Variants in STPG2 observed in about 807,000 individuals in gnomAD.
The protein encoded by STPG2 is sperm-tail PG-rich repeat-containing protein 2.
STPG2 carries 56 observed loss-of-function variants against 54.2 expected under a neutral mutation model. The observed-to-expected ratio is 1.03, with a 90% CI of 0.83 to 1.29. The LOEUF (loss-of-function observed/expected upper bound fraction) is 1.29, where lower values mean the gene tolerates loss of function less well. STPG2 is among the 50% of genes most tolerant of loss of function. The pLI is 0.00. For missense variants in STPG2, 596 were observed against 544.9 expected (o/e 1.09, Z -0.93); for synonymous variants, 200 against 181.8 (o/e 1.10, Z -0.81).
chr4:97,687,899 T>C (rs2148985581), intron 10 of STPG2, among the ~76,000 whole-genome samples: 1 of 152,242 alleles, frequency 6.6e-6, no homozygotes, highest in South Asian at 2.1e-4. Context: ...AATAAAAGAA[T>C]AAAATTAGAG....
At chr4:97,565,366 T>A (rs1367377469) in intron 10 of STPG2, among the ~76,000 whole-genome samples, 1 of 152,062 alleles carries the variant, frequency 6.6e-6, no homozygotes, top group Non-Finnish European at 1.5e-5. Context: ...CAACTTCTTT[T>A]CCCTTGGTTT....
At chr4:97,697,442 C>T (rs1276859996) in intron 10 of STPG2, among the ~76,000 whole-genome samples, 2 of 152,182 alleles carry the variant, frequency 1.3e-5, no homozygotes, top group African/African-American at 4.8e-5. Flanking sequence ...TAACCCATTA[C>T]AATGGATAAA....
At chr4:97,731,291 T>C (rs569221136) in intron 9 of STPG2, among the ~76,000 whole-genome samples, 1 of 152,164 alleles carries the variant, frequency 6.6e-6, no homozygotes, top group African/African-American at 2.4e-5. Context: ...GGATCTTCAT[T>C]TGTGGCTAGA....
chr4:97,783,928 G>C (rs1726737703), intron 9 of STPG2, among the ~76,000 whole-genome samples: 7 of 151,998 alleles, frequency 4.6e-5, no homozygotes, highest in Admixed American at 4.6e-4. Flanking sequence ...TGGGGTGGGG[G>C]GAGAGGGGAG....
chr4:97,954,799 T>A (rs1291656736), intron 7 of STPG2, among the ~76,000 whole-genome samples: 1 of 152,192 alleles, frequency 6.6e-6, no homozygotes. Context: ...CAATGTTTTA[T>A]ATGCAGTATC....
chr4:97,653,601 T>A (rs945863870), intron 10 of STPG2, among the ~76,000 whole-genome samples: 2 of 151,914 alleles, frequency 1.3e-5, no homozygotes, highest in South Asian at 2.1e-4. Flanking sequence ...AATGCAAAAA[T>A]TCCCTCCAAG....
At chr4:97,541,972 A>T (rs1273346036) in intron 4 of STPG2, among the ~76,000 whole-genome samples, 3 of 152,218 alleles carry the variant, frequency 2.0e-5, no homozygotes, top group Non-Finnish European at 4.4e-5. Flanking sequence ...AAATTAATTC[A>T]AGATGGATTA....
chr4:97,930,179 G>A (rs1418631999), intron 8 of STPG2, among the ~76,000 whole-genome samples: 1 of 152,148 alleles, frequency 6.6e-6, no homozygotes, highest in Non-Finnish European at 1.5e-5. Flanking sequence ...TTACAGGCAT[G>A]AGCCACCATG....
intron 4 of STPG2, among the ~76,000 whole-genome samples, chr4:98,106,920 T>C (rs1236368749): frequency 6.6e-6 from 1 of 152,156 alleles, no homozygotes. Context: ...ATACCCAACA[T>C]TTCCAACAAA....
At chr4:97,895,462 C>G (rs1290536127) in intron 8 of STPG2, among the ~76,000 whole-genome samples, 1 of 151,728 alleles carries the variant, frequency 6.6e-6, no homozygotes, top group Non-Finnish European at 1.5e-5. Flanking sequence ...CAAAATAAGT[C>G]CTTTTATAAA....
chr4:97,705,075 A>G (rs1048570941), intron 10 of STPG2, among the ~76,000 whole-genome samples: 2 of 152,142 alleles, frequency 1.3e-5, no homozygotes, highest in African/African-American at 4.8e-5. Context: ...TTAAAACTGC[A>G]TATTTTGATA....
intron 8 of STPG2, among the ~76,000 whole-genome samples, chr4:97,869,045 A>C (rs1729888213): frequency 6.6e-6 from 1 of 151,814 alleles, no homozygotes; most frequent in African/African-American, 2.4e-5. Context: ...AAATATGGCT[A>C]TGGTCAACAG....
At chr4:97,852,882 C>A (rs138982823) in intron 8 of STPG2, among the ~76,000 whole-genome samples, 1 of 149,810 alleles carries the variant, frequency 6.7e-6, no homozygotes, top group Non-Finnish European at 1.5e-5. Context: ...GATTGTAGAT[C>A]TCAATAGAAA....
rs550445496 is a variant in STPG2, at chr4:97,798,106, A to C, written c.1204+42667T>G. 2.6e-5 allele frequency among the ~76,000 whole-genome samples: 4 copies of C among 152,042 alleles called. No homozygotes were observed. In the South Asian group the frequency reaches 8.3e-4, roughly 32 times the overall value. ...TTATTACTCTTGCTAGTGGTCTATC[A>C]ATTTTCTTGATCTTTTCAAAAAACT... On this transcript the variant is annotated intron_variant, in intron 9 of 10. Coordinates refer to ENST00000295268, the MANE Select transcript of STPG2 (RefSeq NM_174952.3).
chr4:97,710,546 A>T (rs1391803610), intron 10 of STPG2, among the ~76,000 whole-genome samples: 1 of 152,060 alleles, frequency 6.6e-6, no homozygotes, highest in Non-Finnish European at 1.5e-5. Context: ...TTCAAGTATA[A>T]CTGAATTGCA....
chr4:97,963,549 G>A (rs1171034561), intron 7 of STPG2, among the ~76,000 whole-genome samples: 2 of 151,980 alleles, frequency 1.3e-5, no homozygotes, highest in Non-Finnish European at 2.9e-5. Context: ...CAGCTACACA[G>A]AAGACTGAAG....
chr4:98,131,461 G>T (rs947872968), intron 2 of STPG2, among the ~76,000 whole-genome samples: 1 of 151,976 alleles, frequency 6.6e-6, no homozygotes, highest in African/African-American at 2.4e-5. Flanking sequence ...CCCCACACAC[G>T]AAATATCTGC....
intron 4 of STPG2, among the ~76,000 whole-genome samples, chr4:97,468,796 A>G (rs1434638192): frequency 6.6e-6 from 1 of 152,058 alleles, no homozygotes; most frequent in Non-Finnish European, 1.5e-5. Flanking sequence ...AAATAGCCTC[A>G]TAGTGATTTG....
At chr4:98,138,646 A>G (rs1213192765) in intron 1 of STPG2, among the ~76,000 whole-genome samples, 1 of 152,160 alleles carries the variant, frequency 6.6e-6, no homozygotes, top group Non-Finnish European at 1.5e-5. Flanking sequence ...ACATATTATT[A>G]TCTAAACTTT....
Sources: gnomAD v4.1 joint callset for allele counts (sites outside exome capture counted in the v4.1 genomes callset) on GRCh38, gnomAD v4.1.1 for gene constraint, MANE v1.5 for transcripts, NCBI Gene and HGNC (gene_info 2026-07-23, HGNC 2026-07-21) for gene names.